Variants in SCAMP5 observed in about 807,000 individuals in gnomAD.
SCAMP5 encodes secretory carrier-associated membrane protein 5.
SCAMP5 carries 7 observed loss-of-function variants against 28.3 expected under a neutral mutation model. That is an observed-to-expected ratio of 0.25 (90% CI 0.14 to 0.46). The LOEUF is 0.46. SCAMP5 is among the 20% of genes least tolerant of loss of function. The probability of loss-of-function intolerance (pLI) is 0.99; values close to 1 mark genes in which losing one functional copy is unlikely to be tolerated. For synonymous variants in SCAMP5, 117 were observed against 116.4 expected (o/e 1.00, Z -0.03); for missense variants, 192 against 312.5 (o/e 0.61, Z 2.91).
Position 74,996,490 on chromosome 15 carries a change from C to T in SCAMP5, c.-49+817C>T, listed in dbSNP as rs2065655208. ...ATCAGTGAGGGCCTGGCAGACTTTC[C>T]CAGGGACACAGAGAGAAAGGGAGGC... On this transcript the variant is annotated intron_variant, in intron 1 of 6. Transcript: ENST00000425597. This position sits in a 1 kb window ranked among gnomAD's most constrained non-coding sequence, Gnocchi z 4.1. 6.6e-6 allele frequency among the ~76,000 whole-genome samples: 1 copy of T among 152,140 alleles called. No individual in the cohort carries two copies. The highest frequency in any genetic ancestry group is 6.6e-5 in the Admixed American group (1 of 15,264).
chr15:75,006,289 G>A (rs2065758561), intron 1 of SCAMP5, among the ~76,000 whole-genome samples: 1 of 151,850 alleles, frequency 6.6e-6, no homozygotes, highest in South Asian at 2.1e-4. Context: ...GAGCCACTGA[G>A]CCAGGCCCTC....
intron 3 of SCAMP5, among the ~76,000 whole-genome samples, chr15:75,015,084 GA>G (rs1220453666): frequency 3.9e-5 from 6 of 152,144 alleles, no homozygotes; most frequent in African/African-American, 1.4e-4. Flanking sequence ...ATCTCATCCA[GA>G]AGCTGGATTT....
At chr15:75,007,641 C>G (rs577297938) in intron 1 of SCAMP5, 3 of 152,494 alleles carry the variant, frequency 2.0e-5, no homozygotes, top group Admixed American at 1.3e-4. Context: ...TCTCGGCTCA[C>G]TGCAACCTCT....
chr15:75,016,717 C>A lies in SCAMP5; in HGVS notation c.261C>A (p.Val87=). 4.3e-6 allele frequency: 7 copies of A among 1,613,902 alleles called. No homozygotes were observed. The highest frequency in any genetic ancestry group is 5.9e-6 in the Non-Finnish European group (7 of 1,179,860). ...TCCTCTTCACACCCTGCTCCTACGT[C>A]TGCTGGTTTCGGCCCATTTACAAGG... The part of the protein sequence containing the change: ...WLILFTPCSY[V]CWFRPIYKAF... Residue 87 remains valine (V), a synonymous_variant, in exon 4 of 7, where the codon GTC becomes GTA. Transcript: ENST00000425597.
At chr15:75,017,750 T>TA (rs1428555314) in intron 4 of SCAMP5, 120 bp from the exon 5 acceptor site, 1 of 743,704 alleles carries the variant, frequency 1.3e-6, no homozygotes, top group South Asian at 1.4e-5. Context: ...ACCTCTCAAT[T>TA]AAGGCCTTTA....
At chr15:75,001,759 A>C (rs2065710640) in intron 1 of SCAMP5, among the ~76,000 whole-genome samples, 1 of 150,760 alleles carries the variant, frequency 6.6e-6, no homozygotes. Flanking sequence ...AATTCCAGCT[A>C]CTCGGGATGC....
At chr15:75,009,871 C>G (rs1447426121) in intron 1 of SCAMP5, 1 of 152,248 alleles carries the variant, frequency 6.6e-6, no homozygotes, top group African/African-American at 2.4e-5. Context: ...TTCACAAAAT[C>G]CATACCTTTG....
At chr15:75,001,067 G>A (rs913258245) in intron 1 of SCAMP5, among the ~76,000 whole-genome samples, 1 of 150,504 alleles carries the variant, frequency 6.6e-6, no homozygotes, top group African/African-American at 2.4e-5. Context: ...GATACTAGCC[G>A]AGACCATCCT....
In SCAMP5 at chr15:75,017,969, CT is replaced by C; in HGVS notation, c.394del (p.Cys132AlafsTer19). 1 of 1,605,676 alleles carries C rather than the reference CT, an allele frequency of 6.2e-7. No homozygotes were observed. The highest frequency in any genetic ancestry group is 8.5e-7 in the Non-Finnish European group (1 of 1,172,542). ...CCGTGGGCATCCCAGGCTGGGGCGTCTGGTAAGAGGCAGGGGTGTGGCCTGG... is the reference window on the plus strand; with the variant it reads ...CCGTGGGCATCCCAGGCTGGGGCGTCGGTAAGAGGCAGGGGTGTGGCCTGG... ...QAVGIPGWGVCGWIATISFFG... is the reference protein window; with the variant it reads ...QAVGIPGWGVXGWIATISFFG... On this transcript the variant is annotated frameshift_variant and splice_region_variant, in exon 5 of 7. Transcript: ENST00000425597. LOFTEE classifies it high-confidence loss of function.
chr15:75,017,509 A>G (rs916827711), intron 4 of SCAMP5: 6 of 463,598 alleles, frequency 1.3e-5, no homozygotes, highest in Middle Eastern at 1.1e-3. Flanking sequence ...GAGACCATCC[A>G]TCCATGTACC....
intron 2 of SCAMP5, 86 bp from the exon 3 acceptor site, chr15:75,012,591 G>A: frequency 2.0e-6 from 3 of 1,528,008 alleles, no homozygotes; most frequent in Admixed American, 3.4e-5. Flanking sequence ...GGGCCAATGG[G>A]GCAGCACAGC....
In SCAMP5 at chr15:75,012,708, A is replaced by G; in HGVS notation, c.39A>G (p.Lys13=). 1 of 1,613,968 alleles carries G rather than the reference A, an allele frequency of 6.2e-7. No individual in the cohort carries two copies. The highest frequency in any genetic ancestry group is 8.5e-7 in the Non-Finnish European group (1 of 1,179,864). ...TGAACAACTTCCCACCATTGCCCAAATTCATCCCGCTGAAGCCATGTTTCT... is the reference window on the plus strand; with the variant it reads ...TGAACAACTTCCCACCATTGCCCAAGTTCATCCCGCTGAAGCCATGTTTCT... ...EKVNNFPPLP[K]FIPLKPCFYQ... is the part of the protein sequence containing the mutation. Residue 13 remains lysine, a synonymous_variant, in exon 3 of 7, where the codon AAA becomes AAG. Coordinates refer to ENST00000425597, the MANE Select transcript of SCAMP5 (RefSeq NM_138967.4).
In SCAMP5 at chr15:75,019,445, C is replaced by G. The variant is rs937776186; in HGVS notation, c.*462C>G. Reference sequence around the variant, plus strand: ...TATGAGCTGGAACTGTTTCTACTTTCAGTCTTCCTGGGAAGTAACAGTACT... The same window carrying G: ...TATGAGCTGGAACTGTTTCTACTTTGAGTCTTCCTGGGAAGTAACAGTACT... On this transcript the variant is annotated 3_prime_UTR_variant, in exon 7 of 7. Coordinates refer to ENST00000425597, the MANE Select transcript of SCAMP5 (RefSeq NM_138967.4). The G allele has an allele frequency of 1.1e-4, 17 of 149,932 alleles. No individual in the cohort carries two copies. The highest frequency in any genetic ancestry group is 4.1e-4 in the African/African-American group (17 of 40,966). The allele number at this position is 149,932 out of a possible 1,614,324, so 9.3% of individuals were successfully genotyped here.
chr15:75,011,814 A>C lies in SCAMP5; in HGVS notation c.-26A>C, dbSNP rs2065813977. On this transcript the variant is annotated 5_prime_UTR_variant, in exon 2 of 7. Coordinates refer to ENST00000425597, the MANE Select transcript of SCAMP5 (RefSeq NM_138967.4). The stretch of plus-strand genomic sequence containing the variant: ...CAGTTCAGGACAAAGAGGTGTGGGC[A>C]GGCCACTGGGCCAGCTGGTAACATC... The C allele has an allele frequency of 6.2e-7, 1 of 1,610,828 alleles. No homozygotes were observed. The highest frequency in any genetic ancestry group is 8.5e-7 in the Non-Finnish European group (1 of 1,177,268).
In SCAMP5 at chr15:75,006,979, A is replaced by G. The variant is rs115906350; in HGVS notation, c.-48-4813A>G. Among the ~76,000 whole-genome samples, 467 of 152,170 alleles carry G rather than the reference A, an allele frequency of 3.1e-3. 5 individuals carry two copies. Among genetic ancestry groups the G allele is most frequent in the African/African-American group, 0.011 (443 of 41,534 alleles). On this transcript the variant is annotated intron_variant, in intron 1 of 6. Transcript: ENST00000425597. The stretch of plus-strand genomic sequence containing the variant: ...AGAGAAAAAAATCCACGTGGTTATT[A>G]CTTTTGATAGTCTAATTGTCCCAAA...
In SCAMP5 at chr15:75,001,449, C is replaced by T. The variant is rs565335532; in HGVS notation, c.-49+5776C>T. Among the ~76,000 whole-genome samples, 4 of 152,026 alleles carry T rather than the reference C, an allele frequency of 2.6e-5. No homozygotes were observed. In the South Asian group the frequency reaches 8.3e-4, roughly 32 times the overall value. On this transcript the variant is annotated intron_variant, in intron 1 of 6. Transcript: ENST00000425597. ...TAGCTGGGTCCTGTACGCTTATCTCCTCCCTCTCACCTTCATCTTGTCTCC... is the reference window on the plus strand; with the variant it reads ...TAGCTGGGTCCTGTACGCTTATCTCTTCCCTCTCACCTTCATCTTGTCTCC...
intron 3 of SCAMP5, among the ~76,000 whole-genome samples, chr15:75,013,668 C>G (rs2065834055): frequency 6.6e-6 from 1 of 152,060 alleles, no homozygotes; most frequent in Non-Finnish European, 1.5e-5. Context: ...TACCCCATCT[C>G]TTTAAAAAAA....
Position 75,018,699 on chromosome 15 carries a change from G to C in SCAMP5, c.514-90G>C, listed in dbSNP as rs2065880112. On this transcript the variant is annotated intron_variant, in intron 6 of 6. Transcript: ENST00000425597. The surrounding 1 kb of genome is among the most constrained non-coding windows in gnomAD (Gnocchi z 5.6). ...GAGGCATTCATGGGGAGGGAGCACTGTTTTTTTTTTACAGATGGGTCCCAT... is the reference window on the plus strand; with the variant it reads ...GAGGCATTCATGGGGAGGGAGCACTCTTTTTTTTTTACAGATGGGTCCCAT... The C allele has an allele frequency of 2.2e-6, 2 of 910,622 alleles. No individual in the cohort carries two copies. Among genetic ancestry groups the C allele is most frequent in the African/African-American group, 3.4e-5 (2 of 58,090 alleles). 56.4% of individuals were successfully genotyped at this position (910,622 alleles called of 1,614,324 possible).
intron 1 of SCAMP5, among the ~76,000 whole-genome samples, chr15:75,001,053 G>A (rs1355940381): frequency 2.0e-5 from 3 of 151,700 alleles, no homozygotes; most frequent in Non-Finnish European, 4.4e-5. Context: ...GAGGTCAGGA[G>A]ATCGATACTA....
Sources: gnomAD v4.1 joint callset for allele counts (sites outside exome capture counted in the v4.1 genomes callset) on GRCh38, gnomAD v4.1.1 for gene constraint, Gnocchi (gnomAD v3.1) non-coding constraint, MANE v1.5 for transcripts, NCBI Gene and HGNC (gene_info 2026-07-23, HGNC 2026-07-21) for gene names.